ANKRD11: variants seen among roughly 807,000 people sequenced by gnomAD.
ANKRD11 encodes the protein ankyrin repeat domain 11.
ANKRD11 carries 17 observed loss-of-function variants against 195.7 expected under a neutral mutation model. That is an observed-to-expected ratio of 0.09 (90% CI 0.06 to 0.13). The LOEUF is 0.13. Among genes scored for constraint, ANKRD11 ranks in the 10% least tolerant of loss-of-function variants. The pLI, the probability that ANKRD11 is intolerant of heterozygous loss-of-function variation, is 1.00. For missense variants in ANKRD11, 3,735 were observed against 3,566.1 expected (o/e 1.05, Z -1.21); for synonymous variants, 1,953 against 1,528.1 (o/e 1.28, Z -6.49).
chr16:89,487,254 C>T (rs911835739), intron 1 of ANKRD11, among the ~76,000 whole-genome samples: 5 of 152,184 alleles, frequency 3.3e-5, no homozygotes, highest in Admixed American at 3.3e-4. Context: ...TTAAGAGACA[C>T]TCACCCATTA....
At chr16:89,466,431 T>C (rs1040402385) in intron 1 of ANKRD11, among the ~76,000 whole-genome samples, 2 of 152,044 alleles carry the variant, frequency 1.3e-5, no homozygotes, top group Non-Finnish European at 1.5e-5. Context: ...GTGCACAATA[T>C]AATGAATATA....
chr16:89,385,375 C>G (rs571970329), intron 2 of ANKRD11, among the ~76,000 whole-genome samples: 2 of 150,736 alleles, frequency 1.3e-5, no homozygotes, highest in East Asian at 2.0e-4. Context: ...GTGATCCACC[C>G]GCTTCAGCCT....
At chr16:89,432,236 TACACACACACACAC>T (rs59807718) in intron 1 of ANKRD11, among the ~76,000 whole-genome samples, 128 of 142,940 alleles carry the variant, frequency 9.0e-4, no homozygotes, top group Middle Eastern at 3.4e-3. Context: ...CGTGATGCAG[TACACACACACACAC>T]ACACACACAC....
intron 2 of ANKRD11, among the ~76,000 whole-genome samples, chr16:89,352,873 T>C (rs1324730374): frequency 6.6e-6 from 1 of 152,218 alleles, no homozygotes; most frequent in Non-Finnish European, 1.5e-5. Context: ...TTTCCCTCTT[T>C]TCTCTCACGG....
chr16:89,432,944 A>ATCTCTCTCTC lies in ANKRD11; in HGVS notation c.-144-14586_-144-14577dup, dbSNP rs56770747. 7.1e-4 allele frequency among the ~76,000 whole-genome samples: 77 copies of ATCTCTCTCTC among 108,724 alleles called. 1 individual carries two copies. Among genetic ancestry groups the ATCTCTCTCTC allele is most frequent in the East Asian group, 3.4e-3 (12 of 3,540 alleles). The allele number at this position is 108,724 out of a possible 152,430, so 71.3% of individuals were successfully genotyped here. A position where few individuals can be genotyped will look rare whatever the true frequency, so the allele number is the denominator to read the frequency against. On this transcript the variant is annotated intron_variant, in intron 1 of 12. Transcript: ENST00000301030. ...TCCAGCCATGGGTGACAGAGACCCT[A>ATCTCTCTCTC]TCTCTCTCTCTCTCTCTCTCTCTCT...
intron 2 of ANKRD11, among the ~76,000 whole-genome samples, chr16:89,382,573 T>A (rs1481547474): frequency 6.6e-6 from 1 of 152,040 alleles, no homozygotes; most frequent in Non-Finnish European, 1.5e-5. Flanking sequence ...GTGATCCACC[T>A]TGATCCATCC....
At chr16:89,278,254 TG>T (rs1407456873) in intron 9 of ANKRD11, 1 of 338,984 alleles carries the variant, frequency 2.9e-6, no homozygotes, top group Non-Finnish European at 5.8e-6. Context: ...GACAGACGGG[TG>T]GGCTCTGCCT....
intron 1 of ANKRD11, among the ~76,000 whole-genome samples, chr16:89,439,308 A>C (rs1257135565): frequency 6.6e-6 from 1 of 152,204 alleles, no homozygotes; most frequent in African/African-American, 2.4e-5. Context: ...AATATGTAAA[A>C]ATTTAAAAGC....
chr16:89,285,773 C>A lies in ANKRD11; in HGVS notation c.893-124G>T. ...TTCCCACCCTGCCTCTGCAGAGACA[C>A]TTTGCTCGACTCATGGAAACCAGCC... On this transcript the variant is annotated intron_variant, in intron 8 of 12. Transcript: ENST00000301030. This position sits in a 1 kb window ranked among gnomAD's most constrained non-coding sequence, Gnocchi z 5.6. 1 of 1,168,178 alleles carries A rather than the reference C, an allele frequency of 8.6e-7. No homozygotes were observed. The highest frequency in any genetic ancestry group is 2.0e-5 in the Admixed American group (1 of 51,152). The allele number at this position is 1,168,178 out of a possible 1,614,324, so 72.4% of individuals were successfully genotyped here. A position where few individuals can be genotyped will look rare whatever the true frequency, so the allele number is the denominator to read the frequency against.
chr16:89,271,583 C>G (rs142964317), intron 11 of ANKRD11: 4 of 158,452 alleles, frequency 2.5e-5, no homozygotes, highest in Non-Finnish European at 4.2e-5. Context: ...CGACAGAAAC[C>G]CACACACCTG....
intron 2 of ANKRD11, among the ~76,000 whole-genome samples, chr16:89,387,215 C>G: frequency 6.6e-6 from 1 of 151,256 alleles, no homozygotes; most frequent in Admixed American, 6.6e-5. Flanking sequence ...ACAGGAAGAT[C>G]TGGAGTGCCA....
intron 2 of ANKRD11, among the ~76,000 whole-genome samples, chr16:89,385,893 C>T (rs1428268971): frequency 1.3e-5 from 2 of 152,256 alleles, no homozygotes; most frequent in East Asian, 3.8e-4. Context: ...CCTCCGTAGG[C>T]AACCCGGTGG....
rs749397444 is a variant in ANKRD11 at position 89,280,656 on chromosome 16, C to A, written c.5886G>T (p.Leu1962=). The A allele has an allele frequency of 6.2e-7, 1 of 1,613,352 alleles. No individual in the cohort carries two copies. Among genetic ancestry groups the A allele is most frequent in the African/African-American group, 1.3e-5 (1 of 74,942 alleles). ...HPSEQALASS[L]IGGTSENPVS... ...CAGGGTTTTCAGAGGTGCCCCCGAT[C>A]AGGCTAGAGGCAAGCGCCTGCTCGG... Residue 1962 remains leucine (L), a synonymous_variant, in exon 9 of 13, where the codon CTG becomes CTT. Coordinates refer to ENST00000301030, the MANE Select transcript of ANKRD11 (RefSeq NM_013275.6).
intron 2 of ANKRD11, among the ~76,000 whole-genome samples, chr16:89,343,252 C>T (rs998677679): frequency 9.8e-5 from 15 of 152,304 alleles, no homozygotes; most frequent in Admixed American, 4.6e-4. Flanking sequence ...CTCGGCCTCC[C>T]GAAGTGCTGG....
intron 1 of ANKRD11, among the ~76,000 whole-genome samples, chr16:89,468,148 A>T (rs1358433869): frequency 6.6e-6 from 1 of 152,222 alleles, no homozygotes; most frequent in African/African-American, 2.4e-5. Context: ...GAACTTGGAA[A>T]GAAGGGTCTA....
intron 2 of ANKRD11, among the ~76,000 whole-genome samples, chr16:89,385,297 T>G (rs953724530): frequency 1.3e-5 from 2 of 151,412 alleles, no homozygotes; most frequent in African/African-American, 4.9e-5. Context: ...CCCAACTAAT[T>G]TGTGTATTTT....
At chr16:89,407,375 C>A (rs776633053) in intron 2 of ANKRD11, among the ~76,000 whole-genome samples, 4 of 152,032 alleles carry the variant, frequency 2.6e-5, no homozygotes, top group African/African-American at 9.7e-5. Flanking sequence ...AAAGAGACAA[C>A]GAGATAAAAG....
chr16:89,484,720 A>T (rs1020230207), intron 1 of ANKRD11, among the ~76,000 whole-genome samples: 1 of 152,190 alleles, frequency 6.6e-6, no homozygotes, highest in African/African-American at 2.4e-5. Context: ...TAAAAGTCAC[A>T]TTTTTTAGAG....
At chr16:89,338,240 C>A (rs2038475542) in intron 2 of ANKRD11, among the ~76,000 whole-genome samples, 1 of 152,068 alleles carries the variant, frequency 6.6e-6, no homozygotes, top group African/African-American at 2.4e-5. Flanking sequence ...CACTCAGTGT[C>A]CATGTGCTGC....
Sources: allele counts gnomAD v4.1 joint callset (sites outside exome capture counted in the v4.1 genomes callset), GRCh38; gene constraint gnomAD v4.1.1; non-coding constraint Gnocchi (gnomAD v3.1); transcripts MANE v1.5; gene names NCBI Gene and HGNC (gene_info 2026-07-23, HGNC 2026-07-21).